Variants in ROBO2 observed in about 807,000 individuals in gnomAD.
ROBO2 encodes roundabout homolog 2.
Under a neutral mutation model 160.8 loss-of-function variants are expected in ROBO2, and 53 were observed. The ratio of observed to expected loss-of-function variants is 0.33; its 90% CI spans 0.26 to 0.41. The LOEUF is 0.41. ROBO2 is among the 10% of genes least tolerant of loss of function. The pLI is 1.00. For synonymous variants in ROBO2, 664 were observed against 611.7 expected, an observed-to-expected ratio of 1.09 and a Z score of -1.26; for missense variants, 1,577 against 1,722.4, an observed-to-expected ratio of 0.92 and a Z score of 1.49.
At chr3:76,590,716 T>A (rs1304862387) in intron 2 of ROBO2, among the ~76,000 whole-genome samples, 2 of 152,158 alleles carry the variant, frequency 1.3e-5, no homozygotes, top group Non-Finnish European at 1.5e-5. Context: ...GTTTATATTT[T>A]TTTATTTATG....
chr3:76,626,311 G>A (rs2109357505), intron 2 of ROBO2, among the ~76,000 whole-genome samples: 1 of 152,232 alleles, frequency 6.6e-6, no homozygotes, highest in East Asian at 1.9e-4. Context: ...GGAGTGGTGT[G>A]CGGTAGAGAT....
intron 24 of ROBO2, among the ~76,000 whole-genome samples, chr3:77,641,494 CAG>C (rs1236123158): frequency 1.3e-5 from 2 of 152,100 alleles, no homozygotes; most frequent in Non-Finnish European, 2.9e-5. Context: ...ATTTCACAAA[CAG>C]AATATTATTA....
chr3:77,200,308 TATATATATA>T lies in ROBO2; in HGVS notation c.388+101969_388+101977del, dbSNP rs1436495969. On this transcript the variant is annotated intron_variant, in intron 2 of 25. Coordinates refer to ENST00000461745, the Ensembl canonical transcript of ROBO2. The stretch of plus-strand genomic sequence containing the variant: ...ATATATATATATATATATATATATA[TATATATATA>T]TATATTTTAGTTTCTATAGGTAAAG... 8.2e-4 allele frequency among the ~76,000 whole-genome samples: 72 copies of T among 87,890 alleles called. 1 individual carries two copies. The highest frequency in any genetic ancestry group is 3.3e-3 in the South Asian group (10 of 3,000). 57.7% of individuals were successfully genotyped at this position (87,890 alleles called of 152,430 possible).
At chr3:77,133,805 G>A (rs80354692) in intron 2 of ROBO2, among the ~76,000 whole-genome samples, 2,564 of 152,138 alleles carry the variant, frequency 0.017, 31 homozygotes, top group African/African-American at 0.029. Context: ...ATATTTGTTT[G>A]TTATATATGT....
chr3:77,285,467 A>G (rs1323088056), intron 2 of ROBO2, among the ~76,000 whole-genome samples: 1 of 152,112 alleles, frequency 6.6e-6, no homozygotes, highest in Non-Finnish European at 1.5e-5. Context: ...GCACCATAAA[A>G]TCTACCTACA....
At chr3:76,421,383 A>G (rs537566241) in intron 2 of ROBO2, among the ~76,000 whole-genome samples, 1 of 152,204 alleles carries the variant, frequency 6.6e-6, no homozygotes. Flanking sequence ...AATAAGATTC[A>G]AACATTTTTT....
At chr3:76,434,200 A>G in intron 2 of ROBO2, 2 of 1,106,792 alleles carry the variant, frequency 1.8e-6, no homozygotes, top group South Asian at 2.5e-5. Flanking sequence ...ACTGGGGGAG[A>G]CGTGCAGAAA....
chr3:76,403,624 C>T (rs1041982348), intron 2 of ROBO2, among the ~76,000 whole-genome samples: 4 of 151,492 alleles, frequency 2.6e-5, no homozygotes, highest in Non-Finnish European at 4.4e-5. Flanking sequence ...GCCACCACTT[C>T]TGTACAAGGT....
intron 2 of ROBO2, among the ~76,000 whole-genome samples, chr3:76,985,643 T>C (rs2060340016): frequency 6.7e-6 from 1 of 149,690 alleles, no homozygotes; most frequent in Non-Finnish European, 1.5e-5. Context: ...ACGGAGCAGT[T>C]CATTTCTCTC....
At chr3:76,316,276 T>A (rs978591033) in intron 2 of ROBO2, among the ~76,000 whole-genome samples, 1 of 152,082 alleles carries the variant, frequency 6.6e-6, no homozygotes, top group African/African-American at 2.4e-5. Context: ...TCAGTCCTTA[T>A]CTCAACCGCA....
chr3:77,184,860 A>G, intron 2 of ROBO2, among the ~76,000 whole-genome samples: 1 of 152,002 alleles, frequency 6.6e-6, no homozygotes, highest in East Asian at 1.9e-4. Flanking sequence ...ATATTTCAGG[A>G]CCTATAATTG....
In ROBO2 at chr3:77,154,323, A is replaced by G. The variant is rs1285807794; in HGVS notation, c.388+55983A>G. Reference sequence around the variant, plus strand: ...AACAGGCAGTGAGGTATGTTTAGCTAAATATGTCCTCAAAGTGTTGATTTT... The same window carrying G: ...AACAGGCAGTGAGGTATGTTTAGCTGAATATGTCCTCAAAGTGTTGATTTT... On this transcript the variant is annotated intron_variant, in intron 2 of 25. Transcript: ENST00000461745. Among the ~76,000 whole-genome samples the G allele has an allele frequency of 3.9e-5, 6 of 152,230 alleles. No individual in the cohort carries two copies. In the South Asian group the frequency reaches 6.2e-4, roughly 16 times the overall value.
chr3:76,957,692 G>A (rs543019761), intron 2 of ROBO2, among the ~76,000 whole-genome samples: 8 of 151,884 alleles, frequency 5.3e-5, no homozygotes, highest in Admixed American at 1.3e-4. Flanking sequence ...TTAGCCTGGC[G>A]TGGTGGCACG....
chr3:76,541,685 T>A (rs2108238029), intron 2 of ROBO2, among the ~76,000 whole-genome samples: 1 of 152,214 alleles, frequency 6.6e-6, no homozygotes, highest in East Asian at 1.9e-4. Context: ...CTGGAGGAGG[T>A]GATTTCAGAC....
chr3:77,196,440 G>A (rs373437082), intron 2 of ROBO2, among the ~76,000 whole-genome samples: 2 of 151,422 alleles, frequency 1.3e-5, no homozygotes, highest in Non-Finnish European at 2.9e-5. Flanking sequence ...TGCAACAGAT[G>A]GTTTGAGACA....
intron 2 of ROBO2, among the ~76,000 whole-genome samples, chr3:76,761,189 C>T (rs560609535): frequency 6.6e-6 from 1 of 151,850 alleles, no homozygotes; most frequent in East Asian, 2.0e-4. Flanking sequence ...CCCTTATTTG[C>T]ATGCCTCTTC....
At chr3:77,364,177 G>T (rs569539040) in intron 2 of ROBO2, among the ~76,000 whole-genome samples, 149 of 152,186 alleles carry the variant, frequency 9.8e-4, no homozygotes, top group Non-Finnish European at 1.9e-3. Context: ...TTTCTTCCCT[G>T]CTATATGTCT....
chr3:76,023,275 A>G (rs2066629154), intron 2 of ROBO2, among the ~76,000 whole-genome samples: 1 of 151,688 alleles, frequency 6.6e-6, no homozygotes, highest in South Asian at 2.1e-4. Context: ...ACCTTCAAGA[A>G]CTTTTCCCTT....
chr3:77,401,541 G>A (rs2153512262), intron 2 of ROBO2, among the ~76,000 whole-genome samples: 1 of 152,162 alleles, frequency 6.6e-6, no homozygotes, highest in Non-Finnish European at 1.5e-5. Flanking sequence ...TAAACCTATT[G>A]GGCTGGTAAA....
Sources: allele counts gnomAD v4.1 joint callset (sites outside exome capture counted in the v4.1 genomes callset), GRCh38; gene constraint gnomAD v4.1.1; transcripts MANE v1.5; gene names NCBI Gene and HGNC (gene_info 2026-07-23, HGNC 2026-07-21).